Variants in HIBCH observed in about 807,000 individuals in gnomAD.
HIBCH encodes the protein 3-hydroxyisobutyryl-CoA hydrolase, mitochondrial.
In HIBCH, 50 loss-of-function variants were observed where a neutral mutation model predicts 58.2. The observed-to-expected ratio is 0.86, with a 90% CI of 0.68 to 1.09. HIBCH has a LOEUF of 1.09. HIBCH is among the 50% of genes least tolerant of loss of function. The pLI is 0.00. For missense variants in HIBCH, 450 were observed against 449.7 expected, an observed-to-expected ratio of 1.00 and a Z score of -0.01; for synonymous variants, 151 against 146.9, an observed-to-expected ratio of 1.03 and a Z score of -0.20.
chr2:190,230,529 T>G (rs144384109), intron 11 of HIBCH, among the ~76,000 whole-genome samples: 1 of 152,160 alleles, frequency 6.6e-6, no homozygotes, highest in Non-Finnish European at 1.5e-5. Flanking sequence ...ACCCCGTCTC[T>G]ACTAAAAATA....
intron 11 of HIBCH, among the ~76,000 whole-genome samples, chr2:190,222,140 G>A (rs1338931703): frequency 6.6e-6 from 1 of 152,110 alleles, no homozygotes; most frequent in East Asian, 1.9e-4. Flanking sequence ...CCCCCTAGAC[G>A]CTGCTGCTGG....
chr2:190,299,392 G>A (rs986461982), intron 2 of HIBCH, among the ~76,000 whole-genome samples: 1 of 152,114 alleles, frequency 6.6e-6, no homozygotes, highest in African/African-American at 2.4e-5. Context: ...AAAAAGTTGT[G>A]TCTTTTCAAT....
intron 7 of HIBCH, among the ~76,000 whole-genome samples, chr2:190,253,678 C>T (rs1403626521): frequency 6.6e-6 from 1 of 152,178 alleles, no homozygotes; most frequent in African/African-American, 2.4e-5. Flanking sequence ...CAGAGTCTTG[C>T]ATCCACTGCT....
At chr2:190,257,708 A>G (rs970385220) in intron 7 of HIBCH, among the ~76,000 whole-genome samples, 1 of 152,188 alleles carries the variant, frequency 6.6e-6, no homozygotes, top group African/African-American at 2.4e-5. Flanking sequence ...GCCCAATATC[A>G]TGGTGCCAAC....
chr2:190,210,899 C>T lies in HIBCH; in HGVS notation c.1012-1986G>A, dbSNP rs538504055. ...AGGCCTTCTCTGGTCATCCCATCTA[C>T]AATTCATCCCCCTGTTACTCTATAT... On this transcript the variant is annotated intron_variant, in intron 12 of 13. Transcript: ENST00000359678. This position sits in a 1 kb window ranked among gnomAD's most constrained non-coding sequence, Gnocchi z 5.5. Among the ~76,000 whole-genome samples the T allele has an allele frequency of 2.0e-4, 31 of 152,334 alleles. No homozygotes were observed. Among genetic ancestry groups the T allele is most frequent in the South Asian group, 4.1e-4 (2 of 4,826 alleles).
chr2:190,239,649 T>TA (rs1491052911), intron 11 of HIBCH, among the ~76,000 whole-genome samples: 18 of 73,228 alleles, frequency 2.5e-4, no homozygotes, highest in Non-Finnish European at 3.7e-4. Flanking sequence ...GGTTTGTAGT[T>TA]TTTTTTTTTT....
intron 6 of HIBCH, among the ~76,000 whole-genome samples, chr2:190,276,521 T>A (rs772461939): frequency 7.2e-5 from 11 of 152,194 alleles, no homozygotes; most frequent in Non-Finnish European, 1.2e-4. Context: ...AATGGCTTGG[T>A]ACATCCCCAC....
Position 190,207,393 on chromosome 2 carries a change from T to A in HIBCH, c.1045+1487A>T, listed in dbSNP as rs757617466. Among the ~76,000 whole-genome samples the A allele has an allele frequency of 6.6e-6, 1 of 152,178 alleles. No individual in the cohort carries two copies. Among genetic ancestry groups the A allele is most frequent in the East Asian group, 1.9e-4 (1 of 5,198 alleles). On this transcript the variant is annotated intron_variant, in intron 13 of 13. Transcript: ENST00000359678. This position sits in a 1 kb window ranked among gnomAD's most constrained non-coding sequence, Gnocchi z 4.5. ...AGAGAATTTGTGAGGAAAATGCCTA[T>A]GTTACTTAGTTTCTACAAGACACAC...
chr2:190,208,908 A>C lies in HIBCH; in HGVS notation c.1017T>G (p.Gly339=). The stretch of plus-strand genomic sequence containing the variant: ...CTCTAACGCCTTCATGAAAGTCATG[A>C]CCTCTCTGAAAGAAAATTGAGATTA... ...EYRLSQACMR[G]HDFHEGVRAV... The change falls in exon 13 of 14, where the codon GGT becomes GGG. Residue 339 remains glycine, a synonymous_variant. Coordinates refer to ENST00000359678, the MANE Select transcript of HIBCH (RefSeq NM_014362.4). The C allele has an allele frequency of 6.2e-7, 1 of 1,613,156 alleles. No homozygotes were observed. The highest frequency in any genetic ancestry group is 8.5e-7 in the Non-Finnish European group (1 of 1,179,528).
chr2:190,245,048 T>C (rs954872213), intron 10 of HIBCH, 80 bp from the exon 11 acceptor site: 3 of 894,266 alleles, frequency 3.4e-6, no homozygotes, highest in African/African-American at 3.3e-5. Context: ...GAACATAGGC[T>C]TTCCCCCACC....
chr2:190,246,618 C>T (rs1422706865), intron 9 of HIBCH, among the ~76,000 whole-genome samples: 1 of 152,220 alleles, frequency 6.6e-6, no homozygotes, highest in Non-Finnish European at 1.5e-5. Context: ...GAAAGCACCT[C>T]TCAAGGAGGA....
At chr2:190,239,937 A>G (rs1387773751) in intron 11 of HIBCH, among the ~76,000 whole-genome samples, 1 of 152,156 alleles carries the variant, frequency 6.6e-6, no homozygotes, top group East Asian at 1.9e-4. Flanking sequence ...GGCATGAGCC[A>G]CCGCACCTGG....
intron 1 of HIBCH, among the ~76,000 whole-genome samples, chr2:190,193,838 TTTAA>T (rs1179843226): frequency 6.6e-6 from 1 of 152,140 alleles, no homozygotes; most frequent in Non-Finnish European, 1.5e-5. Flanking sequence ...TTATTTTGGG[TTTAA>T]TTTGCTTTTC....
At position 190,193,068 on chromosome 2, in the gene HIBCH, C is replaced by T. The variant is rs75606571; in HGVS notation, c.*18-3071G>A. On this transcript the variant is annotated intron_variant, in intron 1 of 1. Transcript: ENST00000399855. ...ACAGAAATCATGAGAATGACTATTG[C>T]TGCCTTGCTCCTGTCATAGGGAAAA... Among the ~76,000 whole-genome samples the T allele has an allele frequency of 6.7e-3, 1,018 of 152,206 alleles. 10 individuals are homozygous for T. The highest frequency in any genetic ancestry group is 0.022 in the African/African-American group (921 of 41,552).
chr2:190,250,499 A>G (rs867097562), intron 8 of HIBCH: 1 of 383,844 alleles, frequency 2.6e-6, no homozygotes, highest in African/African-American at 2.1e-5. Context: ...CTGTCTACTC[A>G]TTGCAGATAC....
At chr2:190,230,357 G>C (rs992692493) in intron 11 of HIBCH, among the ~76,000 whole-genome samples, 2 of 152,164 alleles carry the variant, frequency 1.3e-5, no homozygotes, top group Non-Finnish European at 2.9e-5. Context: ...AAGATATTAC[G>C]AACAACATTT....
At chr2:190,301,713 T>C (rs1266544553) in intron 2 of HIBCH, among the ~76,000 whole-genome samples, 1 of 152,198 alleles carries the variant, frequency 6.6e-6, no homozygotes, top group Non-Finnish European at 1.5e-5. Flanking sequence ...CTAACAGTTA[T>C]AGAGGCTAGG....
intron 1 of HIBCH, among the ~76,000 whole-genome samples, chr2:190,196,028 T>G (rs1689958357): frequency 1.3e-5 from 2 of 149,604 alleles, no homozygotes; most frequent in Non-Finnish European, 3.0e-5. Flanking sequence ...GTTTGGATTT[T>G]TAAACTAGTC....
At chr2:190,313,456 C>A (rs933188394) in intron 1 of HIBCH, among the ~76,000 whole-genome samples, 1 of 152,042 alleles carries the variant, frequency 6.6e-6, no homozygotes, top group Non-Finnish European at 1.5e-5. Flanking sequence ...GCCATTGTTC[C>A]ATCTGCAATT....
Sources: allele counts gnomAD v4.1 joint callset (sites outside exome capture counted in the v4.1 genomes callset), GRCh38; gene constraint gnomAD v4.1.1; non-coding constraint Gnocchi (gnomAD v3.1); transcripts MANE v1.5; gene names NCBI Gene and HGNC (gene_info 2026-07-23, HGNC 2026-07-21).